NAA20: variants seen among roughly 807,000 people sequenced by gnomAD.
NAA20 encodes N-alpha-acetyltransferase 20, NatB catalytic subunit, also known as N-alpha-acetyltransferase 20.
Under a neutral mutation model 23.8 loss-of-function variants are expected in NAA20, and 24 were observed. The ratio of observed to expected loss-of-function variants is 1.01; its 90% CI spans 0.73 to 1.42. The LOEUF (loss-of-function observed/expected upper bound fraction) is 1.42. NAA20 is among the 40% of genes most tolerant of loss of function. NAA20 has a pLI of 0.00. For synonymous variants in NAA20, 83 were observed against 77.7 expected (o/e 1.07, Z -0.36); for missense variants, 166 against 223.1 (o/e 0.74, Z 1.63).
At chr20:20,024,848 G>A (rs1002878563) in intron 2 of NAA20, among the ~76,000 whole-genome samples, 2 of 152,114 alleles carry the variant, frequency 1.3e-5, no homozygotes, top group African/African-American at 4.8e-5. Flanking sequence ...GAAGAATTTC[G>A]CACGGAACAG....
intron 4 of NAA20, among the ~76,000 whole-genome samples, chr20:20,032,142 G>A (rs1474267749): frequency 6.6e-6 from 1 of 151,842 alleles, no homozygotes; most frequent in Non-Finnish European, 1.5e-5. Context: ...AATGTTAGTC[G>A]ACTGAGAGAA....
chr20:20,031,614 G>A (rs1442747558), intron 4 of NAA20, among the ~76,000 whole-genome samples: 1 of 151,904 alleles, frequency 6.6e-6, no homozygotes, highest in East Asian at 1.9e-4. Context: ...GATAACATAA[G>A]GATAATGACA....
intron 4 of NAA20, among the ~76,000 whole-genome samples, chr20:20,031,369 T>C (rs994999980): frequency 5.9e-5 from 9 of 152,152 alleles, no homozygotes; most frequent in Admixed American, 2.6e-4. Flanking sequence ...GGTTGGACAA[T>C]TGGATGTCCC....
intron 4 of NAA20, among the ~76,000 whole-genome samples, chr20:20,027,751 A>ATTT: frequency 7.2e-6 from 1 of 139,776 alleles, no homozygotes; most frequent in East Asian, 2.1e-4. Flanking sequence ...CCAGCATGGC[A>ATTT]TTTTTTTTTT....
chr20:20,017,802 C>T lies in NAA20; in HGVS notation c.53+353C>T, dbSNP rs1171159738. The T allele has an allele frequency of 2.8e-5, 41 of 1,451,832 alleles. No homozygotes were observed. In the Middle Eastern group the frequency reaches 7.6e-4, roughly 27 times the overall value. 89.9% of individuals were successfully genotyped at this position (1,451,832 alleles called of 1,614,324 possible). Reference sequence around the variant, plus strand: ...AGCTGGAGACGCGGCCTGGAGCCCACGACCTGGGCTTCTCGCCCTGCCCTA... The same window carrying T: ...AGCTGGAGACGCGGCCTGGAGCCCATGACCTGGGCTTCTCGCCCTGCCCTA... On this transcript the variant is annotated intron_variant, in intron 1 of 5. Transcript: ENST00000334982.
Position 20,025,698 on chromosome 20 carries a change from C to T in NAA20, c.100C>T (p.Gln34Ter), listed in dbSNP as rs755734957. Residue 34 changes from glutamine (Q) to a stop codon, truncating the protein, a stop_gained, in exon 3 of 6, where the codon CAA becomes TAA. Transcript: ENST00000334982. LOFTEE classifies it high-confidence loss of function. The stretch of plus-strand genomic sequence containing the variant: ...CTAGTATGGGATTCCTTTCTACCTA[C>T]AATACCTCGCCCACTGGCCAGAGTA... ...TETYGIPFYL[Q>*]YLAHWPEYFI... The T allele has an allele frequency of 1.2e-6, 2 of 1,611,716 alleles. No homozygotes were observed. Among genetic ancestry groups the T allele is most frequent in the African/African-American group, 1.3e-5 (1 of 75,006 alleles).
intron 1 of NAA20, chr20:20,018,208 T>G: frequency 3.0e-5 from 2 of 67,376 alleles, no homozygotes; most frequent in South Asian, 2.4e-4. Flanking sequence ...CAGGTACCAA[T>G]TTTTTTTTTT....
At chr20:20,031,394 A>T (rs912874246) in intron 4 of NAA20, among the ~76,000 whole-genome samples, 1 of 152,190 alleles carries the variant, frequency 6.6e-6, no homozygotes, top group Non-Finnish European at 1.5e-5. Flanking sequence ...GGAAAAAAAA[A>T]TTTCCCAGAT....
intron 4 of NAA20, among the ~76,000 whole-genome samples, chr20:20,027,341 T>C (rs2043313176): frequency 6.6e-6 from 1 of 152,220 alleles, no homozygotes; most frequent in African/African-American, 2.4e-5. Flanking sequence ...TAAGTATTTA[T>C]AGCCTAACAG....
Position 20,018,253 on chromosome 20 carries a change from T to A in NAA20, c.53+804T>A, listed in dbSNP as rs1174105108. 14 of 608,090 alleles carry A rather than the reference T, an allele frequency of 2.3e-5. No homozygotes were observed. In the East Asian group the frequency reaches 3.9e-4, roughly 17 times the overall value. The allele number at this position is 608,090 out of a possible 1,614,324, so 37.7% of individuals were successfully genotyped here. On this transcript the variant is annotated intron_variant, in intron 1 of 5. Transcript: ENST00000334982. ...ATTTTATTATGAAGATTCCCACACA[T>A]TTAGAAAAGTTGGAGGAATTTCACC...
At chr20:20,026,490 T>C (rs2043307154) in intron 3 of NAA20, among the ~76,000 whole-genome samples, 1 of 150,152 alleles carries the variant, frequency 6.7e-6, no homozygotes, top group African/African-American at 2.4e-5. Context: ...AATGCAGATA[T>C]TTGAAAAAAT....
intron 1 of NAA20, among the ~76,000 whole-genome samples, chr20:20,019,481 GA>G (rs1472942981): frequency 6.6e-6 from 1 of 152,196 alleles, no homozygotes; most frequent in Non-Finnish European, 1.5e-5. Flanking sequence ...ACATGGAAAT[GA>G]ATAGAAAGAA....
At chr20:20,022,581 A>G (rs2043277625) in intron 2 of NAA20, 101 bp downstream of exon 2, 2 of 1,040,290 alleles carry the variant, frequency 1.9e-6, no homozygotes, top group African/African-American at 3.3e-5. Flanking sequence ...AAGTTTAAAA[A>G]CTTGTAGGTC....
At chr20:20,021,812 T>A (rs2043270358) in intron 1 of NAA20, among the ~76,000 whole-genome samples, 1 of 151,932 alleles carries the variant, frequency 6.6e-6, no homozygotes, top group South Asian at 2.1e-4. Context: ...ACTAGGGAAG[T>A]GAGGGGATGG....
rs2043359932 is a variant in NAA20, at chr20:20,033,084, A to T, written c.452-18A>T. 6.3e-7 allele frequency: 1 copy of T among 1,580,842 alleles called. No homozygotes were observed. The highest frequency in any genetic ancestry group is 1.7e-5 in the Admixed American group (1 of 59,774). ...ATACATTTTTTGGGTGTTTATATTA[A>T]ACTTTGCTTCTTTACAGATATGAGG... On this transcript the variant is annotated intron_variant, in intron 5 of 5. Coordinates refer to ENST00000334982, the MANE Select transcript of NAA20 (RefSeq NM_016100.5).
chr20:20,017,662 A>G, intron 1 of NAA20: 1 of 1,379,270 alleles, frequency 7.3e-7, no homozygotes, highest in Non-Finnish European at 9.5e-7. Flanking sequence ...GGCCTTGGCG[A>G]CCTTGGCCGA....
chr20:20,026,892 T>G lies in NAA20; in HGVS notation c.278T>G (p.Met93Arg). 3 of 1,614,224 alleles carry G rather than the reference T, an allele frequency of 1.9e-6. No individual in the cohort carries two copies. The highest frequency in any genetic ancestry group is 1.7e-6 in the Non-Finnish European group (2 of 1,180,028). ...CGCCTTGGTTTGGCTGCTAAACTTA[T>G]GGAGTTACTAGAGGAGATTTCAGAA... ...FRRLGLAAKL[M>R]ELLEEISERK... is the part of the protein sequence containing the mutation. The change falls in exon 4 of 6, where the codon ATG becomes AGG. Residue 93 changes from methionine to arginine, a missense_variant. By Grantham distance (91) the Met-to-Arg change is moderately conservative. Transcript: ENST00000334982.
chr20:20,017,293 A>T, upstream of NAA20: 1 of 1,478,588 alleles, frequency 6.8e-7, no homozygotes, highest in Non-Finnish European at 9.2e-7. Flanking sequence ...GCCCGGAAGC[A>T]GTACCCCGTC....
intron 2 of NAA20, 154 bp downstream of exon 2, chr20:20,022,634 A>C: frequency 1.7e-6 from 1 of 590,858 alleles, no homozygotes. Flanking sequence ...TTAAAAAGTG[A>C]AACTGAGAAC....
Sources: allele counts gnomAD v4.1 joint callset (sites outside exome capture counted in the v4.1 genomes callset), GRCh38; gene constraint gnomAD v4.1.1; transcripts MANE v1.5; gene names NCBI Gene and HGNC (gene_info 2026-07-23, HGNC 2026-07-21).